The following CTBS variants were observed in gnomAD, a reference collection of about 807,000 sequenced individuals.
CTBS encodes di-N-acetylchitobiase.
A neutral mutation model predicts 44.3 loss-of-function variants in CTBS; 35 were observed. The ratio of observed to expected loss-of-function variants is 0.79; its 90% confidence interval spans 0.60 to 1.05. The LOEUF (loss-of-function observed/expected upper bound fraction) is 1.05, where lower values mean the gene tolerates loss of function less well. Among genes scored for constraint, CTBS ranks in the 50% least tolerant of loss-of-function variants. CTBS has a pLI of 0.00. For missense variants in CTBS, 458 were observed against 475.3 expected (o/e 0.96, Z 0.34); for synonymous variants, 143 against 168.0 (o/e 0.85, Z 1.15).
intron 6 of CTBS, among the ~76,000 whole-genome samples, chr1:84,560,411 T>G (rs1449854451): frequency 6.6e-6 from 1 of 152,216 alleles, no homozygotes; most frequent in Non-Finnish European, 1.5e-5. Context: ...TCTGTTTGCA[T>G]TAGCTCATGC....
chr1:84,550,773 T>G lies in CTBS; in HGVS notation c.*4226A>C. 1 of 1,060,424 alleles carries G rather than the reference T, an allele frequency of 9.4e-7. No homozygotes were observed. Among genetic ancestry groups the G allele is most frequent in the Non-Finnish European group, 1.1e-6 (1 of 875,580 alleles). 65.7% of individuals were successfully genotyped at this position (1,060,424 alleles called of 1,614,324 possible). On this transcript the variant is annotated 3_prime_UTR_variant, in exon 7 of 7. Coordinates refer to ENST00000370630, the MANE Select transcript of CTBS (RefSeq NM_004388.3). ...TTAGTAAAATTTTACTAGGAAGAAT[T>G]AAAGGAAAAGGAACCTGTGAGTCAA...
At chr1:84,565,683 C>T (rs1313815368) in intron 4 of CTBS, among the ~76,000 whole-genome samples, 158 bp downstream of exon 4, 1 of 152,070 alleles carries the variant, frequency 6.6e-6, no homozygotes, top group Non-Finnish European at 1.5e-5. Flanking sequence ...TTTTTGTAAA[C>T]TTTAAAGCTT....
rs1647256096 is a variant in CTBS, at chr1:84,570,106, G to A, written c.350C>T (p.Ala117Val). ...TTGAGCTATCCAGGATGCTCTGAAA[G>A]CAGGATCAATGATATCCTTTAAGGA... ...DVSLKDIIDP[A>V]FRASWIAQKL... is the part of the protein sequence containing the mutation. Residue 117 changes from alanine to valine, a missense_variant, in exon 3 of 7, where the codon GCT (alanine) becomes GTT (valine). Ala to Val is a moderately conservative substitution (Grantham distance 64, BLOSUM62 0). Transcript: ENST00000370630. 1 of 1,613,256 alleles carries A rather than the reference G, an allele frequency of 6.2e-7. No individual in the cohort carries two copies. Among genetic ancestry groups the A allele is most frequent in the African/African-American group, 1.3e-5 (1 of 74,910 alleles).
Position 84,551,242 on chromosome 1 carries a change from T to C in CTBS, c.*3757A>G. On this transcript the variant is annotated 3_prime_UTR_variant, in exon 7 of 7. Transcript: ENST00000370630. ...ATGAGAACGATAATTATATGAATGC[T>C]CTCATTTCTTTATCAGAAACAGCTT... 5 of 984,982 alleles carry C rather than the reference T, an allele frequency of 5.1e-6. No individual in the cohort carries two copies. Among genetic ancestry groups the C allele is most frequent in the Non-Finnish European group, 6.0e-6 (5 of 829,538 alleles). 61.0% of individuals were successfully genotyped at this position (984,982 alleles called of 1,614,324 possible). A position where few individuals can be genotyped will look rare whatever the true frequency, so the allele number is the denominator to read the frequency against.
In CTBS at chr1:84,553,113, A is replaced by G. The variant is rs945658807; in HGVS notation, c.*1886T>C. On this transcript the variant is annotated 3_prime_UTR_variant, in exon 7 of 7. Coordinates refer to ENST00000370630, the MANE Select transcript of CTBS (RefSeq NM_004388.3). The stretch of plus-strand genomic sequence containing the variant: ...GAAAAAAAAAATAATACATCTCTAC[A>G]ATCTCAATTAGGTATGTTAATTTAA... 31 of 1,495,870 alleles carry G rather than the reference A, an allele frequency of 2.1e-5. No individual in the cohort carries two copies. In the Middle Eastern group the frequency reaches 6.9e-4, roughly 33 times the overall value. 92.7% of individuals were successfully genotyped at this position (1,495,870 alleles called of 1,614,324 possible). A position where few individuals can be genotyped will look rare whatever the true frequency, so the allele number is the denominator to read the frequency against.
intron 1 of CTBS, among the ~76,000 whole-genome samples, chr1:84,573,339 G>A (rs1647371953): frequency 6.6e-6 from 1 of 152,194 alleles, no homozygotes. Flanking sequence ...AAGTACTGCC[G>A]ATTCATAAGT....
In CTBS at chr1:84,574,410, G is replaced by A; in HGVS notation, c.6C>T (p.Ser2=). The A allele has an allele frequency of 2.6e-6, 4 of 1,548,502 alleles. No individual in the cohort carries two copies. In the South Asian group the frequency reaches 4.8e-5, roughly 19 times the overall value. M[S]RPQLRRWRLV... ...GGCGCCAGCGTCGAAGCTGCGGCCG[G>A]GACATAGCAGCAGGTCTAGCGGGCC... is the stretch of plus-strand genomic sequence containing the variant. The change falls in exon 1 of 7, where the codon TCC becomes TCT. Residue 2 remains serine (S), a synonymous_variant. Coordinates refer to ENST00000370630, the MANE Select transcript of CTBS (RefSeq NM_004388.3).
intron 3 of CTBS, among the ~76,000 whole-genome samples, chr1:84,566,541 G>A (rs536395352): frequency 1.3e-5 from 2 of 152,184 alleles, no homozygotes; most frequent in African/African-American, 2.4e-5. Context: ...GGTGTCTTAC[G>A]GCCTACAGGT....
At chr1:84,558,605 A>T (rs1320794145) in intron 6 of CTBS, among the ~76,000 whole-genome samples, 3 of 113,460 alleles carry the variant, frequency 2.6e-5, no homozygotes, top group South Asian at 2.5e-4. Flanking sequence ...TTTTTTAATT[A>T]AAAAAAAAAA....
chr1:84,550,615 A>C lies in CTBS; in HGVS notation c.*4384T>G, dbSNP rs1684241281. ...GGTGTTTTAACTTTGGGTGTCAATA[A>C]TATAAGGGTAGCCAGGATTGACTGT... On this transcript the variant is annotated 3_prime_UTR_variant, in exon 7 of 7. Coordinates refer to ENST00000370630, the MANE Select transcript of CTBS (RefSeq NM_004388.3). The C allele has an allele frequency of 2.9e-6, 4 of 1,366,134 alleles. No individual in the cohort carries two copies. The highest frequency in any genetic ancestry group is 5.5e-4 in the Middle Eastern group (2 of 3,630). The allele number at this position is 1,366,134 out of a possible 1,614,324, so 84.6% of individuals were successfully genotyped here.
rs1684637891 is a variant in CTBS, at chr1:84,563,782, C to T, written c.748G>A (p.Gly250Ser). 14 of 1,608,232 alleles carry T rather than the reference C, an allele frequency of 8.7e-6. No individual in the cohort carries two copies. The highest frequency in any genetic ancestry group is 1.1e-5 in the Non-Finnish European group (13 of 1,176,834). Residue 250 changes from glycine (G) to serine (S), a missense_variant, in exon 5 of 7, where the codon GGT becomes AGT. By Grantham distance (56) the Gly-to-Ser change is moderately conservative. Transcript: ENST00000370630. The part of the protein sequence containing the change: ...MSINPKKLVM[G>S]VPWYGYDYTC... ...TAATCATAACCATACCAAGGAACACCCATTACAAGTTTCTTAGGATTAATG... is the reference window on the plus strand; with the variant it reads ...TAATCATAACCATACCAAGGAACACTCATTACAAGTTTCTTAGGATTAATG...
At chr1:84,565,499 G>C (rs1036858043) in intron 4 of CTBS, among the ~76,000 whole-genome samples, 1 of 152,146 alleles carries the variant, frequency 6.6e-6, no homozygotes, top group Non-Finnish European at 1.5e-5. Context: ...AGATAAGCAT[G>C]TGATTTCATG....
chr1:84,558,504 G>A (rs1220200766), intron 6 of CTBS, among the ~76,000 whole-genome samples: 1 of 150,766 alleles, frequency 6.6e-6, no homozygotes, highest in East Asian at 2.0e-4. Context: ...TTTTAGCCGG[G>A]ATGGTCTCGA....
At position 84,553,013 on chromosome 1, in the gene CTBS, TGAAAAGTAA is replaced by T; in HGVS notation, c.*1977_*1985del. 6.9e-7 allele frequency: 1 copy of T among 1,456,394 alleles called. No homozygotes were observed. The highest frequency in any genetic ancestry group is 2.4e-5 in the Admixed American group (1 of 41,006). The allele number at this position is 1,456,394 out of a possible 1,614,324, so 90.2% of individuals were successfully genotyped here. On this transcript the variant is annotated 3_prime_UTR_variant, in exon 7 of 7. Coordinates refer to ENST00000370630, the MANE Select transcript of CTBS (RefSeq NM_004388.3). ...AGAAGGGTATGATGAAGTTCATTTT[TGAAAAGTAA>T]TTCTTTTTATAGATGAGAAAACAAG...
chr1:84,561,624 A>G (rs1157985018), intron 6 of CTBS, among the ~76,000 whole-genome samples: 2 of 152,220 alleles, frequency 1.3e-5, no homozygotes, highest in Non-Finnish European at 2.9e-5. Flanking sequence ...CGTGAAAGGA[A>G]GAGTCAATTG....
rs141347801 is a variant in CTBS, at chr1:84,555,096, C to T, written c.1061G>A (p.Trp354Ter). 2 of 1,613,866 alleles carry T rather than the reference C, an allele frequency of 1.2e-6. No homozygotes were observed. Among genetic ancestry groups the T allele is most frequent in the African/African-American group, 2.7e-5 (2 of 74,986 alleles). ...QNYRLRGIGMWNANCLDYSGD... is the reference protein window; with the variant it reads ...QNYRLRGIGM ...AGAGTAGTCAAGACAGTTTGCATTC[C>T]ACATGCCAATGCCCCGTAAGCGATA... Residue 354 changes from tryptophan (W) to a stop codon, truncating the protein, a stop_gained, in exon 7 of 7, where the codon TGG (tryptophan) becomes TAG (stop). Transcript: ENST00000370630. LOFTEE classifies it high-confidence loss of function.
At chr1:84,568,667 TA>T (rs1459733927) in intron 3 of CTBS, among the ~76,000 whole-genome samples, 1 of 152,126 alleles carries the variant, frequency 6.6e-6, no homozygotes, top group Non-Finnish European at 1.5e-5. Context: ...TGTTGAATCG[TA>T]ATCCCCAATG....
chr1:84,574,156 A>G, intron 1 of CTBS, 83 bp downstream of exon 1: 1 of 1,545,050 alleles, frequency 6.5e-7, no homozygotes, highest in Non-Finnish European at 8.7e-7. Context: ...CGCCCACGGC[A>G]CCTCTCCTTA....
intron 4 of CTBS, among the ~76,000 whole-genome samples, chr1:84,565,071 CAT>C (rs1284774216): frequency 2.6e-5 from 4 of 151,480 alleles, no homozygotes; most frequent in Non-Finnish European, 5.9e-5. Context: ...ATTAGCTGGG[CAT>C]GGTGGCATGC....
Sources: allele counts gnomAD v4.1 joint callset (sites outside exome capture counted in the v4.1 genomes callset), GRCh38; gene constraint gnomAD v4.1.1; transcripts MANE v1.5; gene names NCBI Gene and HGNC (gene_info 2026-07-23, HGNC 2026-07-21).